CREB5: variants seen among roughly 807,000 people sequenced by gnomAD.
CREB5 encodes the protein cAMP responsive element binding protein 5.
CREB5 carries 19 observed loss-of-function variants against 57.1 expected under a neutral mutation model. The observed-to-expected ratio is 0.33, with a 90% CI of 0.23 to 0.49. The LOEUF (loss-of-function observed/expected upper bound fraction) is 0.49, where lower values mean the gene tolerates loss of function less well. CREB5 is among the 20% of genes least tolerant of loss of function. CREB5 has a pLI of 0.99. For missense variants in CREB5, 579 were observed against 671.6 expected, an observed-to-expected ratio of 0.86 and a Z score of 1.52; for synonymous variants, 238 against 238.3, an observed-to-expected ratio of 1.00 and a Z score of 0.01.
At chr7:28,419,595 T>C (rs1266190138) in intron 1 of CREB5, among the ~76,000 whole-genome samples, 2 of 152,238 alleles carry the variant, frequency 1.3e-5, no homozygotes, top group Admixed American at 6.5e-5. Context: ...TGTTTATGCT[T>C]ATATGAAAAT....
At chr7:28,337,577 A>G (rs150193049) in intron 1 of CREB5, among the ~76,000 whole-genome samples, 59 of 151,412 alleles carry the variant, frequency 3.9e-4, no homozygotes, top group African/African-American at 1.2e-3. Context: ...TTTTCAGTCT[A>G]TATGTGTCTT....
intron 5 of CREB5, among the ~76,000 whole-genome samples, chr7:28,585,851 C>G (rs1796286548): frequency 1.3e-5 from 2 of 152,136 alleles, no homozygotes. Context: ...CTGCAGACAC[C>G]TGTGCGGTCG....
chr7:28,434,381 C>A (rs1376724043), intron 1 of CREB5, among the ~76,000 whole-genome samples: 1 of 152,156 alleles, frequency 6.6e-6, no homozygotes, highest in Non-Finnish European at 1.5e-5. Context: ...AAATTCAACA[C>A]CCAGATCCAG....
chr7:28,716,336 C>G (rs1047524387), intron 5 of CREB5, among the ~76,000 whole-genome samples: 1 of 152,048 alleles, frequency 6.6e-6, no homozygotes, highest in African/African-American at 2.4e-5. Flanking sequence ...ATATTGCAAA[C>G]CAACATAATA....
At chr7:28,686,136 C>CA (rs779650032) in intron 5 of CREB5, 5 of 1,613,672 alleles carry the variant, frequency 3.1e-6, no homozygotes, top group Admixed American at 3.3e-5. Flanking sequence ...TACACACACT[C>CA]ATTCCAGAGC....
intron 5 of CREB5, among the ~76,000 whole-genome samples, chr7:28,607,674 T>G (rs1272091233): frequency 6.6e-6 from 1 of 151,700 alleles, no homozygotes; most frequent in Non-Finnish European, 1.5e-5. Context: ...TTTTATCTGT[T>G]GAACCACAAA....
intron 1 of CREB5, among the ~76,000 whole-genome samples, chr7:28,476,356 T>A (rs1791067763): frequency 1.3e-5 from 2 of 152,210 alleles, no homozygotes; most frequent in Non-Finnish European, 2.9e-5. Context: ...CTCTGTGCCA[T>A]GTGCCATCTC....
At chr7:28,425,811 C>T (rs1256058600) in intron 1 of CREB5, among the ~76,000 whole-genome samples, 1 of 152,164 alleles carries the variant, frequency 6.6e-6, no homozygotes, top group African/African-American at 2.4e-5. Flanking sequence ...TGGCAATGGC[C>T]TTCACTGCAC....
At chr7:28,310,717 G>T (rs1363662596) in intron 1 of CREB5, among the ~76,000 whole-genome samples, 3 of 152,158 alleles carry the variant, frequency 2.0e-5, no homozygotes, top group Non-Finnish European at 4.4e-5. Flanking sequence ...ATTCAGTCCT[G>T]TCTCCCTCTT....
At position 28,688,888 on chromosome 7, in the gene CREB5, C is replaced by T. The variant is rs182715256; in HGVS notation, c.465-29865C>T. Among the ~76,000 whole-genome samples, 30 of 152,132 alleles carry T rather than the reference C, an allele frequency of 2.0e-4. 1 individual carries two copies. Among genetic ancestry groups the T allele is most frequent in the Admixed American group, 3.9e-4 (6 of 15,282 alleles). ...TTTTTTAGAGCATTACAATTTATGTCGACTTGGCTCCGAATTGTTCACTCA... is the reference window on the plus strand; with the variant it reads ...TTTTTTAGAGCATTACAATTTATGTTGACTTGGCTCCGAATTGTTCACTCA... On this transcript the variant is annotated intron_variant, in intron 5 of 10. Transcript: ENST00000357727.
At chr7:28,501,509 A>G (rs758546840) in intron 3 of CREB5, among the ~76,000 whole-genome samples, 1 of 152,168 alleles carries the variant, frequency 6.6e-6, no homozygotes, top group Non-Finnish European at 1.5e-5. Flanking sequence ...ATTCTTTTTT[A>G]TATGAAAAGC....
At chr7:28,399,461 T>A (rs1247681925) in intron 1 of CREB5, among the ~76,000 whole-genome samples, 1 of 144,910 alleles carries the variant, frequency 6.9e-6, no homozygotes, top group Non-Finnish European at 1.5e-5. Context: ...TGGAGCAGAA[T>A]AGAGACCCTG....
At chr7:28,595,281 C>A (rs939377044) in intron 5 of CREB5, among the ~76,000 whole-genome samples, 1 of 151,940 alleles carries the variant, frequency 6.6e-6, no homozygotes, top group African/African-American at 2.4e-5. Flanking sequence ...TATAAGTATG[C>A]GTGTAAATAT....
chr7:28,345,613 A>C (rs762378243), intron 1 of CREB5, among the ~76,000 whole-genome samples: 4 of 152,162 alleles, frequency 2.6e-5, no homozygotes, highest in Non-Finnish European at 5.9e-5. Flanking sequence ...GTTTCAGCCC[A>C]GTGGCTGAAC....
chr7:28,648,847 A>C (rs769047711), intron 5 of CREB5, among the ~76,000 whole-genome samples: 9 of 152,226 alleles, frequency 5.9e-5, no homozygotes, highest in African/African-American at 1.2e-4. Flanking sequence ...ATTTAAAAAC[A>C]AAACCAAACC....
intron 7 of CREB5, among the ~76,000 whole-genome samples, chr7:28,776,573 C>G (rs141576291): frequency 4.1e-4 from 63 of 152,302 alleles, no homozygotes; most frequent in African/African-American, 1.5e-3. Context: ...AAAATTCACT[C>G]TCTCAAAGTG....
intron 7 of CREB5, among the ~76,000 whole-genome samples, chr7:28,747,498 A>C (rs1229909137): frequency 6.6e-6 from 1 of 152,220 alleles, no homozygotes; most frequent in Non-Finnish European, 1.5e-5. Context: ...TAAGTGAGGA[A>C]GGAAGCTGTG....
chr7:28,521,301 G>A (rs539939245), intron 4 of CREB5, among the ~76,000 whole-genome samples: 1 of 152,310 alleles, frequency 6.6e-6, no homozygotes, highest in South Asian at 2.1e-4. Flanking sequence ...AGTCATTTCA[G>A]CCCAGGTGGT....
rs776496434 is a variant in CREB5, at chr7:28,718,741, T to A, written c.465-12T>A. The A allele has an allele frequency of 1.9e-6, 3 of 1,613,334 alleles. No individual in the cohort carries two copies. The highest frequency in any genetic ancestry group is 2.2e-5 in the South Asian group (2 of 91,080). Reference sequence around the variant, plus strand: ...CAGGAATCATGTTTGTTTGTTTTTTTCTTTGTCCCAGGCCTGTCCCAGGCT... The same window carrying A: ...CAGGAATCATGTTTGTTTGTTTTTTACTTTGTCCCAGGCCTGTCCCAGGCT... On this transcript the variant is annotated splice_polypyrimidine_tract_variant and intron_variant, in intron 5 of 10. Transcript: ENST00000357727.
Sources: allele counts gnomAD v4.1 joint callset (sites outside exome capture counted in the v4.1 genomes callset), GRCh38; gene constraint gnomAD v4.1.1; transcripts MANE v1.5; gene names NCBI Gene and HGNC (gene_info 2026-07-23, HGNC 2026-07-21).